Variants in SRPRB observed in about 807,000 individuals in gnomAD.
SRPRB encodes SRP receptor subunit beta.
In SRPRB, 20 loss-of-function variants were observed where a neutral mutation model predicts 31.9. The observed-to-expected ratio is 0.63, with a 90% CI of 0.44 to 0.91. The LOEUF (loss-of-function observed/expected upper bound fraction) is 0.91, where lower values mean the gene tolerates loss of function less well. SRPRB is among the 40% of genes least tolerant of loss of function. The pLI is 0.00. For missense variants in SRPRB, 321 were observed against 324.9 expected (o/e 0.99, Z 0.09); for synonymous variants, 146 against 132.8 (o/e 1.10, Z -0.68).
chr3:133,819,899 C>G lies in SRPRB; in HGVS notation c.*133C>G. ...ATTTCTTTGTTCTGGAAACAAAGTA[C>G]TGTTGAAACCAGCTTGGAATTTTTT... On this transcript the variant is annotated 3_prime_UTR_variant, in exon 7 of 7. Coordinates refer to ENST00000678299, the MANE Select transcript of SRPRB (RefSeq NM_001379313.1). 1.3e-6 allele frequency: 1 copy of G among 758,378 alleles called. No homozygotes were observed. 47.0% of individuals were successfully genotyped at this position (758,378 alleles called of 1,614,324 possible).
intron 4 of SRPRB, among the ~76,000 whole-genome samples, chr3:133,814,542 A>G (rs966879085): frequency 1.3e-5 from 2 of 152,016 alleles, no homozygotes; most frequent in Non-Finnish European, 2.9e-5. Context: ...GGGTTCAAGT[A>G]ACTCTTCTGC....
chr3:133,820,906 A>T lies in SRPRB; in HGVS notation c.*1140A>T, dbSNP rs543685539. Reference sequence around the variant, plus strand: ...CTATTCCTACCCCACACACTCAGGGACAAGCCCAACTAAAGCTTACAAGGA... The same window carrying T: ...CTATTCCTACCCCACACACTCAGGGTCAAGCCCAACTAAAGCTTACAAGGA... On this transcript the variant is annotated 3_prime_UTR_variant, in exon 7 of 7. Coordinates refer to ENST00000678299, the MANE Select transcript of SRPRB (RefSeq NM_001379313.1). 6.6e-6 allele frequency: 1 copy of T among 152,304 alleles called. No homozygotes were observed. The allele number at this position is 152,304 out of a possible 1,614,324, so 9.4% of individuals were successfully genotyped here. A position where few individuals can be genotyped will look rare whatever the true frequency, so the allele number is the denominator to read the frequency against.
intron 3 of SRPRB, among the ~76,000 whole-genome samples, chr3:133,808,884 A>G (rs1935210013): frequency 7.4e-6 from 1 of 135,316 alleles, no homozygotes. Context: ...AGCGAGACTA[A>G]GTCTCAAAAA....
downstream of SRPRB, among the ~76,000 whole-genome samples, chr3:133,822,534 A>G (rs2107979172): frequency 6.6e-6 from 1 of 152,252 alleles, no homozygotes; most frequent in East Asian, 1.9e-4. Flanking sequence ...CCTAATCAAC[A>G]GCAGCTGCTG....
chr3:133,819,938 T>TAAG lies in SRPRB; in HGVS notation c.*173_*175dup, dbSNP rs1168537084. 3.5e-6 allele frequency: 2 copies of TAAG among 568,042 alleles called. No homozygotes were observed. Among genetic ancestry groups the TAAG allele is most frequent in the East Asian group, 6.3e-5 (2 of 31,924 alleles). 35.2% of individuals were successfully genotyped at this position (568,042 alleles called of 1,614,324 possible). A position where few individuals can be genotyped will look rare whatever the true frequency, so the allele number is the denominator to read the frequency against. The stretch of plus-strand genomic sequence containing the variant: ...TTGGAATTTTTTTTTTTTTTTTTTT[T>TAAG]AAGTTCAGTTCTCCCTTATGGCTGC... On this transcript the variant is annotated 3_prime_UTR_variant, in exon 7 of 7. Coordinates refer to ENST00000678299, the MANE Select transcript of SRPRB (RefSeq NM_001379313.1).
chr3:133,790,539 A>G (rs915465112), intron 1 of SRPRB: 1 of 152,270 alleles, frequency 6.6e-6, no homozygotes, highest in Non-Finnish European at 1.5e-5. Flanking sequence ...AGATAATAAA[A>G]TATTCTTTAA....
Position 133,815,612 on chromosome 3 carries a change from A to G in SRPRB, c.433A>G (p.Ser145Gly), listed in dbSNP as rs1321154309. 1.2e-6 allele frequency: 2 copies of G among 1,613,986 alleles called. No homozygotes were observed. Among genetic ancestry groups the G allele is most frequent in the Non-Finnish European group, 1.7e-6 (2 of 1,179,996 alleles). Reference protein sequence around the residue: ...SARAIVFVVDSAAFQREVKDV... With the variant: ...SARAIVFVVDGAAFQREVKDV... ...CAGGGCTATTGTGTTTGTTGTGGATAGTGCAGCATTCCAGCGAGAGGTGAA... is the reference window on the plus strand; with the variant it reads ...CAGGGCTATTGTGTTTGTTGTGGATGGTGCAGCATTCCAGCGAGAGGTGAA... Residue 145 changes from serine to glycine, a missense_variant, in exon 5 of 7, where the codon AGT (serine) becomes GGT (glycine). Ser to Gly is a moderately conservative substitution (Grantham distance 56, BLOSUM62 0). Transcript: ENST00000678299.
At chr3:133,822,141 A>T (rs940052201), downstream of SRPRB, among the ~76,000 whole-genome samples, 2 of 152,012 alleles carry the variant, frequency 1.3e-5, no homozygotes, top group African/African-American at 2.4e-5. Flanking sequence ...CCAGAGTAGA[A>T]GGATGGATGT....
At chr3:133,807,249 ATTTTTTTTTTTT>A (rs60049102) in intron 2 of SRPRB, among the ~76,000 whole-genome samples, 3 of 114,648 alleles carry the variant, frequency 2.6e-5, no homozygotes, top group African/African-American at 1.0e-4. Flanking sequence ...AAATACCTCC[ATTTTTTTTTTTT>A]TTTTTTTTTT....
chr3:133,804,932 T>G (rs1244271547), upstream of SRPRB, among the ~76,000 whole-genome samples: 1 of 152,226 alleles, frequency 6.6e-6, no homozygotes, highest in Non-Finnish European at 1.5e-5. Context: ...CCCTCTAGGC[T>G]GGCCACTTTT....
Position 133,790,614 on chromosome 3 carries a change from G to A in SRPRB, c.-174+6470G>A, listed in dbSNP as rs143647490. On this transcript the variant is annotated intron_variant, in intron 1 of 7. Coordinates refer to the SRPRB transcript ENST00000466490. ...TTTCATAGTGAAAGCTGTTAGTCTT[G>A]ATAAAAGTAAAATAAGCATTGTAAA... The A allele has an allele frequency of 1.1e-3, 174 of 152,316 alleles. 2 individuals are homozygous for A. The highest frequency in any genetic ancestry group is 4.0e-3 in the African/African-American group (165 of 41,572). The allele number at this position is 152,316 out of a possible 1,614,324, so 9.4% of individuals were successfully genotyped here.
intron 1 of SRPRB, chr3:133,792,555 TAA>T (rs1934867518): frequency 6.6e-6 from 1 of 152,162 alleles, no homozygotes. Context: ...AATATATAAT[TAA>T]AATCCTTAAC....
Position 133,819,797 on chromosome 3 carries a change from T to G in SRPRB, c.*31T>G, listed in dbSNP as rs767505659. The G allele has an allele frequency of 1.2e-6, 2 of 1,600,124 alleles. No individual in the cohort carries two copies. Among genetic ancestry groups the G allele is most frequent in the Non-Finnish European group, 1.7e-6 (2 of 1,170,782 alleles). On this transcript the variant is annotated 3_prime_UTR_variant, in exon 7 of 7. Coordinates refer to ENST00000678299, the MANE Select transcript of SRPRB (RefSeq NM_001379313.1). ...AGCTCTAAAGCACAAGACCTGGATG[T>G]GTGACACACAGTTTTGGAAAAAGGT...
Position 133,784,479 on chromosome 3 carries a change from ATAATAATAATAAT to A in SRPRB, c.-174+336_-174+348del, listed in dbSNP as rs1934604520. On this transcript the variant is annotated intron_variant, in intron 1 of 7. Transcript: ENST00000466490. ...ATTCCCATTTGTTAAAAAAATAATA[ATAATAATAATAAT>A]AATAATAATAATAATAGGACATAAA... The A allele has an allele frequency of 7.3e-5, 10 of 137,150 alleles. No individual in the cohort carries two copies. In the South Asian group the frequency reaches 2.3e-3, roughly 31 times the overall value. 8.5% of individuals were successfully genotyped at this position (137,150 alleles called of 1,614,324 possible). A position where few individuals can be genotyped will look rare whatever the true frequency, so the allele number is the denominator to read the frequency against.
chr3:133,819,406 A>G (rs1214604410), intron 6 of SRPRB, 147 bp from the exon 7 acceptor site: 3 of 616,156 alleles, frequency 4.9e-6, no homozygotes. Flanking sequence ...GGACTTATAA[A>G]TGCAAAGGAT....
chr3:133,816,738 G>A, intron 5 of SRPRB, 140 bp from the exon 6 acceptor site: 2 of 564,958 alleles, frequency 3.5e-6, no homozygotes, highest in Non-Finnish European at 6.2e-6. Context: ...TGATAGAGAA[G>A]GAACTAGTGA....
At chr3:133,788,301 A>ACTTT (rs1559884377) in intron 1 of SRPRB, 1 of 152,214 alleles carries the variant, frequency 6.6e-6, no homozygotes, top group East Asian at 1.9e-4. Flanking sequence ...TGACTTTGTA[A>ACTTT]CTTTATTTCA....
At chr3:133,803,665 T>C (rs1394829000), upstream of SRPRB, among the ~76,000 whole-genome samples, 3 of 151,804 alleles carry the variant, frequency 2.0e-5, no homozygotes, top group Non-Finnish European at 4.4e-5. Flanking sequence ...AGTTCCTTTT[T>C]TTTTTTTCCT....
In SRPRB at chr3:133,806,710, G is replaced by T. The variant is rs1486250767; in HGVS notation, c.249+7G>T. The T allele has an allele frequency of 6.2e-7, 1 of 1,607,076 alleles. No homozygotes were observed. On this transcript the variant is annotated splice_region_variant and intron_variant, in intron 2 of 6. Transcript: ENST00000678299. The stretch of plus-strand genomic sequence containing the variant: ...AACGTTGCTCTTTGTCAGGGTAAAT[G>T]ATTTCATTGACACCCCTGTTAAGCT...
Sources: allele counts gnomAD v4.1 joint callset (sites outside exome capture counted in the v4.1 genomes callset), GRCh38; gene constraint gnomAD v4.1.1; transcripts MANE v1.5; gene names NCBI Gene and HGNC (gene_info 2026-07-23, HGNC 2026-07-21).